The following PAK5 variants were observed in gnomAD, a reference collection of about 807,000 sequenced individuals.
PAK5 encodes serine/threonine-protein kinase PAK 5.
In PAK5, 16 loss-of-function variants were observed where a neutral mutation model predicts 65.9. The observed-to-expected ratio is 0.24, with a 90% CI of 0.16 to 0.37. PAK5 has a LOEUF of 0.37. Ranked by LOEUF, PAK5 falls within the 10% of genes least tolerant of loss-of-function variation. PAK5 has a pLI of 1.00. For synonymous variants in PAK5, 371 were observed against 354.9 expected, an observed-to-expected ratio of 1.05 and a Z score of -0.51; for missense variants, 785 against 903.9, an observed-to-expected ratio of 0.87 and a Z score of 1.69.
rs764966863 is a variant in PAK5 at position 9,580,661 on chromosome 20, C to CCTCTATAA, written c.473_474insTTATAGAG (p.Tyr160ArgfsTer16). 6.2e-7 allele frequency: 1 copy of CCTCTATAA among 1,614,026 alleles called. No individual in the cohort carries two copies. The highest frequency in any genetic ancestry group is 8.5e-7 in the Non-Finnish European group (1 of 1,180,006). Reference sequence around the variant, plus strand: ...TGGCTGCGTGGCTGCCTCTATAATACGGATCCAGATCATCTCCATAGAGAC... The same window carrying CCTCTATAA: ...TGGCTGCGTGGCTGCCTCTATAATACCTCTATAAGGATCCAGATCATCTCCATAGAGAC... On this transcript the variant is annotated frameshift_variant, in exon 4 of 10. Coordinates refer to ENST00000353224, the MANE Select transcript of PAK5 (RefSeq NM_177990.4). LOFTEE classifies it high-confidence loss of function.
intron 2 of PAK5, among the ~76,000 whole-genome samples, chr20:9,690,730 A>ATTTCTTTC (rs1194218960): frequency 5.1e-5 from 7 of 138,310 alleles, no homozygotes; most frequent in African/African-American, 1.9e-4. Flanking sequence ...AGTCCTCAGC[A>ATTTCTTTC]TTTCTTTCTT....
chr20:9,726,097 G>C (rs944750774), intron 1 of PAK5, among the ~76,000 whole-genome samples: 3 of 152,048 alleles, frequency 2.0e-5, no homozygotes, highest in African/African-American at 7.2e-5. Flanking sequence ...TTATAGAGGT[G>C]GGGTGGGCAG....
At position 9,809,917 on chromosome 20, in the gene PAK5, C is replaced by T. The variant is rs75165390; in HGVS notation, c.-162+28845G>A. 3.9e-3 allele frequency among the ~76,000 whole-genome samples: 601 copies of T among 152,294 alleles called. 24 individuals carry two copies. In the East Asian group the frequency reaches 0.094, roughly 24 times the overall value. On this transcript the variant is annotated intron_variant, in intron 1 of 9. Coordinates refer to ENST00000353224, the MANE Select transcript of PAK5 (RefSeq NM_177990.4). ...CTGTCAAACTTTGGAAGACTCTGGC[C>T]ATAGGATTCTATTTATCTTTCCTCT... is the stretch of plus-strand genomic sequence containing the variant.
intron 2 of PAK5, among the ~76,000 whole-genome samples, chr20:9,661,706 G>T (rs1027200121): frequency 2.0e-5 from 3 of 152,068 alleles, no homozygotes; most frequent in Non-Finnish European, 4.4e-5. Flanking sequence ...TGGAAGAGGG[G>T]TCTTCATTCT....
intron 1 of PAK5, among the ~76,000 whole-genome samples, chr20:9,757,196 T>C (rs902845698): frequency 6.6e-6 from 1 of 151,374 alleles, no homozygotes; most frequent in South Asian, 2.1e-4. Context: ...TCTCAGGGTC[T>C]ACTTGTGGTA....
intron 1 of PAK5, among the ~76,000 whole-genome samples, chr20:9,811,445 A>G (rs917624558): frequency 2.0e-5 from 3 of 152,232 alleles, no homozygotes; most frequent in African/African-American, 7.2e-5. Flanking sequence ...AGAACAGTCC[A>G]GGACAAATTC....
intron 3 of PAK5, among the ~76,000 whole-genome samples, chr20:9,635,463 C>G (rs1012484158): frequency 1.2e-4 from 18 of 152,114 alleles, no homozygotes; most frequent in African/African-American, 4.3e-4. Flanking sequence ...CCATATCCCC[C>G]ACCCCTCTCC....
chr20:9,761,420 A>T (rs919381833), intron 1 of PAK5, among the ~76,000 whole-genome samples: 2 of 152,200 alleles, frequency 1.3e-5, no homozygotes, highest in African/African-American at 4.8e-5. Context: ...GTGTTCATGG[A>T]TTGAAATAAT....
intron 3 of PAK5, among the ~76,000 whole-genome samples, chr20:9,583,792 C>T (rs1245326454): frequency 1.3e-5 from 2 of 152,202 alleles, no homozygotes; most frequent in Admixed American, 6.5e-5. Flanking sequence ...ATTACCCTCT[C>T]CCCAAACCCT....
At chr20:9,760,054 A>G (rs2048680646) in intron 1 of PAK5, among the ~76,000 whole-genome samples, 1 of 152,232 alleles carries the variant, frequency 6.6e-6, no homozygotes, top group Admixed American at 6.5e-5. Context: ...ATTTGTAATT[A>G]AATTGAACCA....
intron 3 of PAK5, among the ~76,000 whole-genome samples, chr20:9,607,834 A>T (rs1236160263): frequency 2.6e-5 from 4 of 152,214 alleles, no homozygotes; most frequent in Non-Finnish European, 4.4e-5. Context: ...GTCTAAAAAA[A>T]AAGAAAAGAA....
At chr20:9,632,615 G>A (rs760127853) in intron 3 of PAK5, among the ~76,000 whole-genome samples, 12 of 152,166 alleles carry the variant, frequency 7.9e-5, no homozygotes, top group Non-Finnish European at 1.5e-4. Context: ...TCTCAAGGGA[G>A]AGCTCATGGG....
intron 2 of PAK5, among the ~76,000 whole-genome samples, chr20:9,667,692 G>C (rs928798099): frequency 6.6e-6 from 1 of 152,136 alleles, no homozygotes; most frequent in Non-Finnish European, 1.5e-5. Flanking sequence ...TCATAAAGTT[G>C]TCTTTGTTGT....
intron 1 of PAK5, among the ~76,000 whole-genome samples, chr20:9,798,984 T>G (rs951506769): frequency 1.3e-5 from 2 of 152,072 alleles, no homozygotes; most frequent in African/African-American, 4.8e-5. Context: ...ATCATAAATC[T>G]AGGGAGAGCT....
At chr20:9,626,578 G>A (rs1183358339) in intron 3 of PAK5, among the ~76,000 whole-genome samples, 1 of 152,230 alleles carries the variant, frequency 6.6e-6, no homozygotes, top group African/African-American at 2.4e-5. Flanking sequence ...ATGTGGAACA[G>A]GAAATGAGGG....
intron 1 of PAK5, among the ~76,000 whole-genome samples, chr20:9,809,754 T>G (rs556050678): frequency 4.6e-5 from 7 of 152,314 alleles, no homozygotes; most frequent in Admixed American, 3.3e-4. Context: ...TTATATTGAC[T>G]CATAGCTGTC....
chr20:9,735,787 C>T (rs529619615), intron 1 of PAK5, among the ~76,000 whole-genome samples: 2 of 152,046 alleles, frequency 1.3e-5, no homozygotes, highest in South Asian at 2.1e-4. Flanking sequence ...CTTTGGGAGG[C>T]TGAGGTAGGT....
chr20:9,640,828 G>A (rs979024562), intron 3 of PAK5, among the ~76,000 whole-genome samples: 3 of 152,124 alleles, frequency 2.0e-5, no homozygotes, highest in South Asian at 2.1e-4. Context: ...TCGTGGTCTC[G>A]CTGGGCTCAG....
rs896838430 is a variant in PAK5, at chr20:9,789,400, G to A, written c.-162+49362C>T. Reference sequence around the variant, plus strand: ...CAATTCAAAGTGAAAAACTAGGCTCGGCTCTTCAAGGTGTCAGCATTTATA... The same window carrying A: ...CAATTCAAAGTGAAAAACTAGGCTCAGCTCTTCAAGGTGTCAGCATTTATA... On this transcript the variant is annotated intron_variant, in intron 1 of 9. Transcript: ENST00000353224. Among the ~76,000 whole-genome samples the A allele has an allele frequency of 9.2e-5, 14 of 152,056 alleles. No homozygotes were observed. In the South Asian group the frequency reaches 2.1e-3, roughly 23 times the overall value.
Sources: allele counts gnomAD v4.1 joint callset (sites outside exome capture counted in the v4.1 genomes callset), GRCh38; gene constraint gnomAD v4.1.1; transcripts MANE v1.5; gene names NCBI Gene and HGNC (gene_info 2026-07-23, HGNC 2026-07-21).